The following GNAO1 variants were observed in gnomAD, a reference collection of about 807,000 sequenced individuals.
GNAO1 encodes the protein G protein subunit alpha o1, also known as guanine nucleotide-binding protein G(o) subunit alpha.
For missense variants in GNAO1, 166 were observed against 478.7 expected, an observed-to-expected ratio of 0.35 and a Z score of 6.10; for synonymous variants, 164 against 180.7, an observed-to-expected ratio of 0.91 and a Z score of 0.74.
intron 3 of GNAO1, among the ~76,000 whole-genome samples, chr16:56,280,532 A>G (rs2037103842): frequency 6.6e-6 from 1 of 152,042 alleles, no homozygotes; most frequent in South Asian, 2.1e-4. Flanking sequence ...ATGGGATGAA[A>G]GTGAAATTTT....
At chr16:56,217,337 A>G (rs1258499219) in intron 2 of GNAO1, among the ~76,000 whole-genome samples, 1 of 152,234 alleles carries the variant, frequency 6.6e-6, no homozygotes, top group Non-Finnish European at 1.5e-5. Context: ...GTCATTTTTA[A>G]TAAGACATCA....
intron 2 of GNAO1, among the ~76,000 whole-genome samples, chr16:56,228,790 A>G (rs2036559305): frequency 6.6e-6 from 1 of 152,058 alleles, no homozygotes; most frequent in African/African-American, 2.4e-5. Context: ...TGTCACTTTA[A>G]GACCACCCTA....
At chr16:56,285,248 C>T (rs2037154496) in intron 3 of GNAO1, among the ~76,000 whole-genome samples, 2 of 152,022 alleles carry the variant, frequency 1.3e-5, no homozygotes, top group Non-Finnish European at 2.9e-5. Context: ...ACACTCCAAC[C>T]CCGCCCCCCA....
In GNAO1 at chr16:56,305,754, T is replaced by G. The variant is rs2037388764; in HGVS notation, c.304-22877T>G. 2.6e-5 allele frequency among the ~76,000 whole-genome samples: 4 copies of G among 152,136 alleles called. No homozygotes were observed. The South Asian group carries it at 8.3e-4, about 32-fold the overall frequency. On this transcript the variant is annotated intron_variant, in intron 3 of 8. Coordinates refer to ENST00000262493, the MANE Select transcript of GNAO1 (RefSeq NM_020988.3). ...TAATCACAGTTCTGAAGGCTGGGAG[T>G]CTGAGATCAGGGTGCTGGCAGGGTT...
At chr16:56,344,865 A>G in intron 6 of GNAO1, 1 of 985,412 alleles carries the variant, frequency 1.0e-6, no homozygotes, top group Non-Finnish European at 1.2e-6. Context: ...TGGGCTGGGG[A>G]TTCTGTGGTT....
At chr16:56,195,024 G>A (rs6499829) in intron 2 of GNAO1, among the ~76,000 whole-genome samples, 3,116 of 150,074 alleles carry the variant, frequency 0.021, 72 homozygotes, top group African/African-American at 0.046. Context: ...TGATGTTTGA[G>A]ATTGTTAAAT....
chr16:56,254,843 T>C (rs1420641109), intron 2 of GNAO1, among the ~76,000 whole-genome samples: 7 of 152,192 alleles, frequency 4.6e-5, no homozygotes, highest in African/African-American at 4.8e-5. Context: ...TACTTTTCCC[T>C]TTCATTAAAG....
At chr16:56,213,249 CT>C (rs1215336789) in intron 2 of GNAO1, 381 of 350,306 alleles carry the variant, frequency 1.1e-3, no homozygotes, top group Admixed American at 5.7e-3. Flanking sequence ...TTTCTTTCTT[CT>C]TTTTTTTTTC....
chr16:56,347,760 TCCCCACCC>T, intron 6 of GNAO1: 1 of 444,830 alleles, frequency 2.2e-6, no homozygotes, highest in Non-Finnish European at 2.6e-6. Flanking sequence ...TCCCCTTCCC[TCCCCACCC>T]CTCCCCTCCC....
chr16:56,344,450 T>TG, intron 6 of GNAO1: 1 of 999,362 alleles, frequency 1.0e-6, no homozygotes. Flanking sequence ...CAGGCCAACT[T>TG]GGTGTGGGTT....
rs1175615185 is a variant in GNAO1 at position 56,256,727 on chromosome 16, T to TGC, written c.162-19203_162-19202insCG. 2.0e-4 allele frequency among the ~76,000 whole-genome samples: 10 copies of TGC among 50,056 alleles called. 1 individual carries two copies. Among genetic ancestry groups the TGC allele is most frequent in the African/African-American group, 7.8e-4 (10 of 12,850 alleles). The allele number at this position is 50,056 out of a possible 152,430, so 32.8% of individuals were successfully genotyped here. ...CTCTCTCTCTCTCTCTCTGTGTGTGTGTGTGTGTGTGTGTGTGTGTGTGTG... is the reference window on the plus strand; with the variant it reads ...CTCTCTCTCTCTCTCTCTGTGTGTGTGCGTGTGTGTGTGTGTGTGTGTGTGTG... On this transcript the variant is annotated intron_variant, in intron 2 of 8. Coordinates refer to ENST00000262493, the MANE Select transcript of GNAO1 (RefSeq NM_020988.3).
chr16:56,245,325 G>A (rs185826512), intron 2 of GNAO1, among the ~76,000 whole-genome samples: 2 of 152,250 alleles, frequency 1.3e-5, no homozygotes, highest in East Asian at 1.9e-4. Context: ...TTGGAATCAC[G>A]GCCCTGACGT....
In GNAO1 at chr16:56,208,003, G is replaced by A. The variant is rs774798539; in HGVS notation, c.161+15387G>A. 3.3e-5 allele frequency among the ~76,000 whole-genome samples: 5 copies of A among 151,976 alleles called. No homozygotes were observed. In the East Asian group the frequency reaches 5.8e-4, roughly 18 times the overall value. Reference sequence around the variant, plus strand: ...CTCACTCCTTACTACCTTAACTTTCGTGGTAAGTTTCATGGGTCCTTGCCT... The same window carrying A: ...CTCACTCCTTACTACCTTAACTTTCATGGTAAGTTTCATGGGTCCTTGCCT... On this transcript the variant is annotated intron_variant, in intron 2 of 8. Transcript: ENST00000262493.
At chr16:56,253,848 C>G (rs1185359245) in intron 2 of GNAO1, among the ~76,000 whole-genome samples, 1 of 152,118 alleles carries the variant, frequency 6.6e-6, no homozygotes, top group Non-Finnish European at 1.5e-5. Context: ...CAGGGAGATG[C>G]CAACTCTTCC....
rs181309711 is a variant in GNAO1 at position 56,314,559 on chromosome 16, C to T, written c.304-14072C>T. 7.0e-3 allele frequency among the ~76,000 whole-genome samples: 1,072 copies of T among 152,298 alleles called. 9 individuals carry two copies. Among genetic ancestry groups the T allele is most frequent in the Non-Finnish European group, 0.012 (818 of 68,030 alleles). ...ATAAGTCGTAATTTTTACTTCTTCACCAACGACATTCTTCAGTCCAGCCAG... is the reference window on the plus strand; with the variant it reads ...ATAAGTCGTAATTTTTACTTCTTCATCAACGACATTCTTCAGTCCAGCCAG... On this transcript the variant is annotated intron_variant, in intron 3 of 8. Coordinates refer to ENST00000262493, the MANE Select transcript of GNAO1 (RefSeq NM_020988.3).
At chr16:56,211,885 A>G (rs1220934385) in intron 2 of GNAO1, among the ~76,000 whole-genome samples, 1 of 152,224 alleles carries the variant, frequency 6.6e-6, no homozygotes, top group Non-Finnish European at 1.5e-5. Context: ...GCAGTGCTCT[A>G]TTCAGCGTGA....
At position 56,328,732 on chromosome 16, in the gene GNAO1, A is replaced by G; in HGVS notation, c.405A>G (p.Ser135=). The part of the protein sequence containing the change: ...LSAMMRLWGD[S]GIQECFNRSR... ...CCATGATGCGGCTCTGGGGCGACTCAGGAATCCAAGAGTGCTTCAACCGGT... is the reference window on the plus strand; with the variant it reads ...CCATGATGCGGCTCTGGGGCGACTCGGGAATCCAAGAGTGCTTCAACCGGT... Residue 135 remains serine (S), a synonymous_variant, in exon 4 of 9, where the codon TCA becomes TCG. Transcript: ENST00000262493. 2 of 1,614,242 alleles carry G rather than the reference A, an allele frequency of 1.2e-6. No individual in the cohort carries two copies.
intron 2 of GNAO1, among the ~76,000 whole-genome samples, chr16:56,199,191 T>C (rs1212003421): frequency 6.6e-6 from 1 of 152,240 alleles, no homozygotes; most frequent in Non-Finnish European, 1.5e-5. Context: ...AGGGTATCCA[T>C]GAAAGTTCTT....
At chr16:56,348,712 C>T (rs550074472) in intron 6 of GNAO1, among the ~76,000 whole-genome samples, 2 of 152,298 alleles carry the variant, frequency 1.3e-5, no homozygotes, top group East Asian at 3.9e-4. Context: ...GGCAGCGTGC[C>T]GAGGGAGGGC....
Sources: allele counts gnomAD v4.1 joint callset (sites outside exome capture counted in the v4.1 genomes callset), GRCh38; gene constraint gnomAD v4.1.1; transcripts MANE v1.5; gene names NCBI Gene and HGNC (gene_info 2026-07-23, HGNC 2026-07-21).